ATXN3L: variants seen among roughly 807,000 people sequenced by gnomAD.
The protein encoded by ATXN3L is ataxin 3 like.
For missense variants in ATXN3L, 283 were observed against 255.2 expected (o/e 1.11, Z -0.74); for synonymous variants, 98 against 96.1 (o/e 1.02, Z -0.12).
chrX:13,319,538 A>C lies in ATXN3L; in HGVS notation c.397T>G (p.Leu133Val), dbSNP rs953959502. Residue 133 changes from leucine (L) to valine (V), a missense_variant, in exon 1 of 1, where the codon TTG becomes GTG. By Grantham distance (32) the Leu-to-Val change is conservative (BLOSUM62 1). Coordinates refer to ENST00000380622, the MANE Select transcript of ATXN3L (RefSeq NM_001135995.2). ...TCTGGACCCGCCAAGAGAGAATTCA[A>C]GTTAAACCAGTGTTTTCCAAATTTT... ...IRKFGKHWFNLNSLLAGPELI... is the reference protein window; with the variant it reads ...IRKFGKHWFNVNSLLAGPELI... 2.5e-6 allele frequency: 3 copies of C among 1,211,646 alleles called. No individual in the cohort carries two copies. In the Admixed American group the frequency reaches 6.5e-5, roughly 26 times the overall value.
In ATXN3L at chrX:13,320,024, T is replaced by C. The variant is rs1355138942; in HGVS notation, c.-90A>G. 1.1e-5 allele frequency: 7 copies of C among 664,094 alleles called. No individual in the cohort carries two copies. The East Asian group carries it at 2.1e-4, about 20-fold the overall frequency. 54.7% of individuals were successfully genotyped at this position (664,094 alleles called of 1,213,427 possible). ...TACCTGGGCAGTTTGTGGATAGCCA[T>C]GTAACAGATGTTAGGTTTTCAAACC... is the stretch of plus-strand genomic sequence containing the variant. On this transcript the variant is annotated 5_prime_UTR_variant, in exon 1 of 1. The change abolishes an upstream ATG in the 5' untranslated region. Coordinates refer to ENST00000380622, the MANE Select transcript of ATXN3L (RefSeq NM_001135995.2).
chrX:13,319,021 C>T lies in ATXN3L; in HGVS notation c.914G>A (p.Gly305Asp). 7.4e-6 allele frequency: 9 copies of T among 1,211,544 alleles called. No individual in the cohort carries two copies. Among genetic ancestry groups the T allele is most frequent in the Non-Finnish European group, 1.0e-5 (9 of 895,405 alleles). ...KQQQQQSDLP[G>D]HSSYLHERPT... is the part of the protein sequence containing the mutation. ...CCTTTCGTGTAGGTATGAACTGTGG[C>T]CCGGCAGATCTGACTGTTGTTGCTG... The change falls in exon 1 of 1, where the codon GGC (glycine) becomes GAC (aspartate). Residue 305 changes from glycine (G) to aspartate (D), a missense_variant. Coordinates refer to ENST00000380622, the MANE Select transcript of ATXN3L (RefSeq NM_001135995.2).
chrX:13,318,735 G>A lies in ATXN3L; in HGVS notation c.*132C>T, dbSNP rs762121005. On this transcript the variant is annotated 3_prime_UTR_variant, in exon 1 of 1. Coordinates refer to ENST00000380622, the MANE Select transcript of ATXN3L (RefSeq NM_001135995.2). ...CATTATTTAGTCCCACATCTCTCTC[G>A]TCATTTTGTTTGCAAACTGTCTAAA... 1,173 of 477,071 alleles carry A rather than the reference G, an allele frequency of 2.5e-3. 1 individual carries two copies. Among genetic ancestry groups the A allele is most frequent in the Non-Finnish European group, 3.4e-3 (1,017 of 297,834 alleles). 39.3% of individuals were successfully genotyped at this position (477,071 alleles called of 1,213,427 possible).
rs1295564492 is a variant in ATXN3L at position 13,319,770 on chromosome X, A to T, written c.165T>A (p.Ser55Arg). The change falls in exon 1 of 1, where the codon AGT becomes AGA. Residue 55 changes from serine (S) to arginine (R), a missense_variant. Ser to Arg is a moderately radical substitution (Grantham distance 110, BLOSUM62 -1). Coordinates refer to ENST00000380622, the MANE Select transcript of ATXN3L (RefSeq NM_001135995.2). ...GCTGTAAAAATGCAAGATACTCTTC[A>T]CTGGTGACTCCTCCTTCTGCCATTC... ...RMRMAEGGVTSEEYLAFLQQP... is the reference protein window; with the variant it reads ...RMRMAEGGVTREEYLAFLQQP... 1.7e-6 allele frequency: 2 copies of T among 1,210,254 alleles called. No homozygotes were observed. The highest frequency in any genetic ancestry group is 4.4e-5 in the Admixed American group (2 of 45,759).
Position 13,319,370 on chromosome X carries a change from G to T in ATXN3L, c.565C>A (p.Pro189Thr), listed in dbSNP as rs373746855. ...ACTAATTTTTTTCCATTAAGTTTTG[G>T]TGTATCCATCTCTTCGACACTGATG... is the stretch of plus-strand genomic sequence containing the variant. ...QIISVEEMDT[P>T]KLNGKKLVKQ... is the part of the protein sequence containing the mutation. The change falls in exon 1 of 1, where the codon CCA (proline) becomes ACA (threonine). Residue 189 changes from proline (P) to threonine (T), a missense_variant. Transcript: ENST00000380622. The T allele has an allele frequency of 2.5e-6, 3 of 1,210,550 alleles. No individual in the cohort carries two copies. The highest frequency in any genetic ancestry group is 3.4e-6 in the Non-Finnish European group (3 of 895,015).
chrX:13,319,164 A>G lies in ATXN3L; in HGVS notation c.771T>C (p.Gly257=). The G allele has an allele frequency of 4.1e-6, 5 of 1,211,530 alleles. No homozygotes were observed. Among genetic ancestry groups the G allele is most frequent in the Non-Finnish European group, 5.6e-6 (5 of 895,416 alleles). The stretch of plus-strand genomic sequence containing the variant: ...GATCTTGCGATGTGTTTCCGGAACT[A>G]CCTTGCATGCTTAACTCAATAGTAC... The part of the protein sequence containing the change: ...LRSTIELSMQ[G]SSGNTSQDLP... The change falls in exon 1 of 1, where the codon GGT becomes GGC. Residue 257 remains glycine (G), a synonymous_variant. Transcript: ENST00000380622.
rs2044464741 is a variant in ATXN3L, at chrX:13,318,891, A to G, written c.1044T>C (p.Asn348=). The stretch of plus-strand genomic sequence containing the variant: ...ATTATTTTTCCCCTTTGATTTTCAA[A>G]TTCTTTCTCATAATTTCTAAAATGG... The part of the protein sequence containing the change: ...VDTILEIMRK[N]LKIKGEK The change falls in exon 1 of 1, where the codon AAT becomes AAC. Residue 348 remains asparagine (N), a synonymous_variant. Transcript: ENST00000380622. 8.4e-7 allele frequency: 1 copy of G among 1,189,817 alleles called. No individual in the cohort carries two copies. The highest frequency in any genetic ancestry group is 1.1e-6 in the Non-Finnish European group (1 of 884,582).
chrX:13,319,168 T>C lies in ATXN3L; in HGVS notation c.767A>G (p.Gln256Arg), dbSNP rs1482090554. Residue 256 changes from glutamine (Q) to arginine (R), a missense_variant, in exon 1 of 1, where the codon CAA (glutamine) becomes CGA (arginine). Physicochemically the swap from Gln to Arg is conservative, Grantham distance 43. Transcript: ENST00000380622. Reference protein sequence around the residue: ...HLRSTIELSMQGSSGNTSQDL... With the variant: ...HLRSTIELSMRGSSGNTSQDL... The stretch of plus-strand genomic sequence containing the variant: ...TTGCGATGTGTTTCCGGAACTACCT[T>C]GCATGCTTAACTCAATAGTACTGCG... 1 of 1,210,127 alleles carries C rather than the reference T, an allele frequency of 8.3e-7. No homozygotes were observed. Among genetic ancestry groups the C allele is most frequent in the Admixed American group, 2.2e-5 (1 of 45,764 alleles).
At position 13,318,811 on chromosome X, in the gene ATXN3L, A is replaced by G; in HGVS notation, c.*56T>C. ...AGATGACCAAAATGGATCCTACAGT[A>G]TAATCACACAGGATAATGTTGGAAA... On this transcript the variant is annotated 3_prime_UTR_variant, in exon 1 of 1. Coordinates refer to ENST00000380622, the MANE Select transcript of ATXN3L (RefSeq NM_001135995.2). 1 of 1,038,476 alleles carries G rather than the reference A, an allele frequency of 9.6e-7. No individual in the cohort carries two copies. Among genetic ancestry groups the G allele is most frequent in the Non-Finnish European group, 1.3e-6 (1 of 764,162 alleles). The allele number at this position is 1,038,476 out of a possible 1,213,427, so 85.6% of individuals were successfully genotyped here. A position where few individuals can be genotyped will look rare whatever the true frequency, so the allele number is the denominator to read the frequency against.
Position 13,319,328 on chromosome X carries a change from T to C in ATXN3L, c.607A>G (p.Arg203Gly). 2 of 1,211,217 alleles carry C rather than the reference T, an allele frequency of 1.7e-6. No homozygotes were observed. The highest frequency in any genetic ancestry group is 2.2e-6 in the Non-Finnish European group (2 of 894,951). ...GKKLVKQKEH[R>G]VYKTVLEKVS... ...TTTTCAAGGACTGTTTTATAGACTC[T>C]ATGCTCTTTTTGTTTTACTAATTTT... Residue 203 changes from arginine (R) to glycine (G), a missense_variant, in exon 1 of 1, where the codon AGA becomes GGA. Physicochemically the swap from Arg to Gly is moderately radical, Grantham distance 125. Coordinates refer to ENST00000380622, the MANE Select transcript of ATXN3L (RefSeq NM_001135995.2).
At position 13,319,536 on chromosome X, in the gene ATXN3L, C is replaced by A. The variant is rs762266129; in HGVS notation, c.399G>T (p.Leu133Phe). The A allele has an allele frequency of 3.3e-5, 40 of 1,209,719 alleles. No individual in the cohort carries two copies. The East Asian group carries it at 1.1e-3, about 32-fold the overall frequency. ...IRKFGKHWFN[L>F]NSLLAGPELI... Reference sequence around the variant, plus strand: ...ATTCTGGACCCGCCAAGAGAGAATTCAAGTTAAACCAGTGTTTTCCAAATT... The same window carrying A: ...ATTCTGGACCCGCCAAGAGAGAATTAAAGTTAAACCAGTGTTTTCCAAATT... Residue 133 changes from leucine to phenylalanine, a missense_variant, in exon 1 of 1, where the codon TTG (leucine) becomes TTT (phenylalanine). By Grantham distance (22) the Leu-to-Phe change is conservative (BLOSUM62 0). Coordinates refer to ENST00000380622, the MANE Select transcript of ATXN3L (RefSeq NM_001135995.2).
chrX:13,319,068 C>G lies in ATXN3L; in HGVS notation c.867G>C (p.Lys289Asn). 5.0e-6 allele frequency: 6 copies of G among 1,211,311 alleles called. No individual in the cohort carries two copies. Among genetic ancestry groups the G allele is most frequent in the Non-Finnish European group, 6.7e-6 (6 of 895,416 alleles). ...GCTGCTGCTTCTGTTCCTGCTGATG[C>G]TTTTCAAAATAGTCTTCTTTTATTT... ...PKKIKEDYFE[K>N]HQQEQKQQQQ... is the part of the protein sequence containing the mutation. Residue 289 changes from lysine to asparagine, a missense_variant, in exon 1 of 1, where the codon AAG becomes AAC. By Grantham distance (94) the Lys-to-Asn change is moderately conservative (BLOSUM62 0). Transcript: ENST00000380622.
Position 13,319,803 on chromosome X carries a change from C to G in ATXN3L, c.132G>C (p.Glu44Asp), listed in dbSNP as rs968140111. The change falls in exon 1 of 1, where the codon GAG (glutamate) becomes GAC (aspartate). Residue 44 changes from glutamate (E) to aspartate (D), a missense_variant. Coordinates refer to ENST00000380622, the MANE Select transcript of ATXN3L (RefSeq NM_001135995.2). The stretch of plus-strand genomic sequence containing the variant: ...CTCCTCCTTCTGCCATTCTCATCCT[C>G]TCTTCTTCATCTAGCTGATGTGCAA... ...ASIAHQLDEE[E>D]RMRMAEGGVT... 1 of 1,211,844 alleles carries G rather than the reference C, an allele frequency of 8.3e-7. No individual in the cohort carries two copies. The highest frequency in any genetic ancestry group is 1.1e-6 in the Non-Finnish European group (1 of 895,351).
chrX:13,319,758 A>T lies in ATXN3L; in HGVS notation c.177T>A (p.Leu59=). 8.3e-7 allele frequency: 1 copy of T among 1,211,806 alleles called. No homozygotes were observed. Residue 59 remains leucine, a synonymous_variant, in exon 1 of 1, where the codon CTT becomes CTA. Transcript: ENST00000380622. The part of the protein sequence containing the change: ...AEGGVTSEEY[L]AFLQQPSENM... The stretch of plus-strand genomic sequence containing the variant: ...TTTCTGAAGGCTGCTGTAAAAATGC[A>T]AGATACTCTTCACTGGTGACTCCTC...
rs2044473554 is a variant in ATXN3L, at chrX:13,319,489, G to T, written c.446C>A (p.Ala149Glu). 1.7e-6 allele frequency: 2 copies of T among 1,211,533 alleles called. No individual in the cohort carries two copies. Among genetic ancestry groups the T allele is most frequent in the Non-Finnish European group, 2.2e-6 (2 of 895,283 alleles). The change falls in exon 1 of 1, where the codon GCA becomes GAA. Residue 149 changes from alanine (A) to glutamate (E), a missense_variant. Ala to Glu is a moderately radical substitution (Grantham distance 107). Transcript: ENST00000380622. ...GPELISDTCL[A>E]NFLARLQQQA... ...TTGTTGTAATCGAGCCAAGAAATTT[G>T]CAAGGCATGTATCTGATATTAATTC...
rs745547851 is a variant in ATXN3L, at chrX:13,319,171, A to G, written c.764T>C (p.Met255Thr). The G allele has an allele frequency of 8.3e-7, 1 of 1,211,794 alleles. No individual in the cohort carries two copies. Among genetic ancestry groups the G allele is most frequent in the Non-Finnish European group, 1.1e-6 (1 of 895,482 alleles). Reference sequence around the variant, plus strand: ...CGATGTGTTTCCGGAACTACCTTGCATGCTTAACTCAATAGTACTGCGGAG... The same window carrying G: ...CGATGTGTTTCCGGAACTACCTTGCGTGCTTAACTCAATAGTACTGCGGAG... ...EHLRSTIELS[M>T]QGSSGNTSQD... The change falls in exon 1 of 1, where the codon ATG becomes ACG. Residue 255 changes from methionine (M) to threonine (T), a missense_variant. Physicochemically the swap from Met to Thr is moderately conservative, Grantham distance 81. Coordinates refer to ENST00000380622, the MANE Select transcript of ATXN3L (RefSeq NM_001135995.2).
Position 13,318,794 on chromosome X carries a change from A to G in ATXN3L, c.*73T>C, listed in dbSNP as rs993693834. 2.1e-6 allele frequency: 2 copies of G among 969,579 alleles called. No homozygotes were observed. Among genetic ancestry groups the G allele is most frequent in the South Asian group, 4.9e-5 (2 of 41,033 alleles). The allele number at this position is 969,579 out of a possible 1,213,427, so 79.9% of individuals were successfully genotyped here. A position where few individuals can be genotyped will look rare whatever the true frequency, so the allele number is the denominator to read the frequency against. ...TTCCTCATCTCTTTGACAGATGACC[A>G]AAATGGATCCTACAGTATAATCACA... On this transcript the variant is annotated 3_prime_UTR_variant, in exon 1 of 1. Transcript: ENST00000380622.
Position 13,319,760 on chromosome X carries a change from G to A in ATXN3L, c.175C>T (p.Leu59Phe). The A allele has an allele frequency of 1.7e-6, 2 of 1,211,762 alleles. No individual in the cohort carries two copies. Among genetic ancestry groups the A allele is most frequent in the Non-Finnish European group, 2.2e-6 (2 of 895,545 alleles). ...TCTGAAGGCTGCTGTAAAAATGCAA[G>A]ATACTCTTCACTGGTGACTCCTCCT... ...AEGGVTSEEY[L>F]AFLQQPSENM... Residue 59 changes from leucine (L) to phenylalanine (F), a missense_variant, in exon 1 of 1, where the codon CTT becomes TTT. Leu to Phe is a conservative substitution (Grantham distance 22, BLOSUM62 0). Transcript: ENST00000380622.
In ATXN3L at chrX:13,319,952, G is replaced by A. The variant is rs1175148369; in HGVS notation, c.-18C>T. 1 of 1,145,517 alleles carries A rather than the reference G, an allele frequency of 8.7e-7. No homozygotes were observed. The highest frequency in any genetic ancestry group is 3.0e-5 in the East Asian group (1 of 33,245). 94.4% of individuals were successfully genotyped at this position (1,145,517 alleles called of 1,213,427 possible). On this transcript the variant is annotated 5_prime_UTR_variant, in exon 1 of 1. Transcript: ENST00000380622. ...AAATCCATGTTAATTGTATCCGTGA[G>A]TTTCTGTAGGTATGCCGGAAGATGT... is the stretch of plus-strand genomic sequence containing the variant.
Sources: gnomAD v4.1 joint callset for allele counts on GRCh38, gnomAD v4.1.1 for gene constraint, MANE v1.5 for transcripts, NCBI Gene and HGNC (gene_info 2026-07-23, HGNC 2026-07-21) for gene names.